PHACTR1: variants seen among roughly 807,000 people sequenced by gnomAD.
The protein encoded by PHACTR1 is RPEL repeat containing 1.
A neutral mutation model predicts 69.2 loss-of-function variants in PHACTR1; 16 were observed. The observed-to-expected ratio is 0.23, with a 90% CI of 0.16 to 0.35. The LOEUF (loss-of-function observed/expected upper bound fraction) is 0.35, where lower values mean the gene tolerates loss of function less well. PHACTR1 is among the 10% of genes least tolerant of loss of function. PHACTR1 has a pLI of 1.00. For synonymous variants in PHACTR1, 312 were observed against 284.5 expected (o/e 1.10, Z -0.97); for missense variants, 510 against 734.7 (o/e 0.69, Z 3.54).
chr6:12,724,912 A>T (rs1481389557), intron 3 of PHACTR1, among the ~76,000 whole-genome samples: 1 of 152,204 alleles, frequency 6.6e-6, no homozygotes, highest in African/African-American at 2.4e-5. Flanking sequence ...TCACTAGGCA[A>T]TCCTAGTGAC....
intron 4 of PHACTR1, among the ~76,000 whole-genome samples, chr6:12,936,950 G>A (rs1789523566): frequency 6.6e-6 from 1 of 152,088 alleles, no homozygotes. Flanking sequence ...AAGTGTCTGA[G>A]GATGAGTCAC....
intron 4 of PHACTR1, among the ~76,000 whole-genome samples, chr6:12,827,232 C>T (rs996415796): frequency 2.0e-5 from 3 of 152,128 alleles, no homozygotes; most frequent in Non-Finnish European, 4.4e-5. Flanking sequence ...ATAACTTCAC[C>T]ACATAGATGA....
At chr6:12,921,482 A>AGGAGGGACGGAAGGAT in intron 4 of PHACTR1, among the ~76,000 whole-genome samples, 1 of 134,780 alleles carries the variant, frequency 7.4e-6, no homozygotes, top group African/African-American at 2.9e-5. Context: ...GAAGGAAGGA[A>AGGAGGGACGGAAGGAT]GGAGGGAAGG....
At chr6:13,163,104 G>A (rs1759284963) in intron 6 of PHACTR1, among the ~76,000 whole-genome samples, 4 of 152,288 alleles carry the variant, frequency 2.6e-5, no homozygotes, top group Middle Eastern at 3.4e-3. Flanking sequence ...AATTTGTCGG[G>A]TGTGGTGGCA....
At chr6:12,875,260 A>T (rs114245181) in intron 4 of PHACTR1, among the ~76,000 whole-genome samples, 3,609 of 152,302 alleles carry the variant, frequency 0.024, 142 homozygotes, top group African/African-American at 0.083. Flanking sequence ...ATCATTTATT[A>T]CTCATCGTGA....
chr6:12,788,047 A>G (rs1172400006), intron 4 of PHACTR1, among the ~76,000 whole-genome samples: 1 of 151,950 alleles, frequency 6.6e-6, no homozygotes, highest in African/African-American at 2.4e-5. Flanking sequence ...AGTCCCAGCT[A>G]CTCGGTAGGC....
Position 12,838,744 on chromosome 6 carries a change from G to T in PHACTR1, c.250+88954G>T, listed in dbSNP as rs145422163. On this transcript the variant is annotated intron_variant, in intron 4 of 14. Transcript: ENST00000332995. ...AATTTCATTCAATAGCCTCAAAATG[G>T]TTGTGAATTTGTGTTCCCCTAAGTA... Among the ~76,000 whole-genome samples the T allele has an allele frequency of 6.9e-3, 1,056 of 152,204 alleles. 17 individuals are homozygous for T. Among genetic ancestry groups the T allele is most frequent in the African/African-American group, 0.024 (1,005 of 41,526 alleles).
intron 10 of PHACTR1, among the ~76,000 whole-genome samples, chr6:13,260,387 C>T (rs1775749202): frequency 6.6e-6 from 1 of 152,082 alleles, no homozygotes; most frequent in East Asian, 1.9e-4. Flanking sequence ...GGCATTGTGG[C>T]CAGGCTGTGG....
intron 5 of PHACTR1, among the ~76,000 whole-genome samples, chr6:13,113,636 A>T (rs1561848062): frequency 6.6e-6 from 1 of 152,194 alleles, no homozygotes; most frequent in Admixed American, 6.5e-5. Context: ...CAATAGAAAC[A>T]AAACCAGATA....
intron 4 of PHACTR1, among the ~76,000 whole-genome samples, chr6:12,945,174 T>A (rs1022267866): frequency 6.6e-6 from 1 of 152,146 alleles, no homozygotes; most frequent in African/African-American, 2.4e-5. Context: ...GCCTCCTTTA[T>A]TCCCATCTGA....
At chr6:12,970,983 C>G (rs1794134660) in intron 4 of PHACTR1, among the ~76,000 whole-genome samples, 1 of 152,176 alleles carries the variant, frequency 6.6e-6, no homozygotes, top group South Asian at 2.1e-4. Context: ...TAACCATTTT[C>G]TCCATAAGCT....
At chr6:12,814,914 AC>A (rs1355251530) in intron 4 of PHACTR1, among the ~76,000 whole-genome samples, 1 of 152,170 alleles carries the variant, frequency 6.6e-6, no homozygotes, top group Non-Finnish European at 1.5e-5. Flanking sequence ...TCAAAACACA[AC>A]ATGCTTCAAG....
At chr6:12,982,748 T>G (rs1316083585) in intron 4 of PHACTR1, among the ~76,000 whole-genome samples, 1 of 152,228 alleles carries the variant, frequency 6.6e-6, no homozygotes, top group Non-Finnish European at 1.5e-5. Flanking sequence ...ATCGCTAGAC[T>G]TGAAATTGAA....
chr6:13,214,125 A>T (rs1767310520), intron 8 of PHACTR1: 1 of 151,750 alleles, frequency 6.6e-6, no homozygotes, highest in Non-Finnish European at 1.5e-5. Context: ...TATCCATCGC[A>T]CTCCGGATAT....
At chr6:13,198,972 G>A (rs80145496) in intron 7 of PHACTR1, among the ~76,000 whole-genome samples, 1 of 152,200 alleles carries the variant, frequency 6.6e-6, no homozygotes, top group Non-Finnish European at 1.5e-5. Context: ...TGATCTGGGA[G>A]TTTGTTTACA....
At chr6:13,013,856 C>T (rs1020901070) in intron 4 of PHACTR1, among the ~76,000 whole-genome samples, 1 of 148,546 alleles carries the variant, frequency 6.7e-6, no homozygotes, top group Non-Finnish European at 1.5e-5. Context: ...GGGGCCGGAG[C>T]AGCGCCCGGC....
chr6:13,137,319 AAAAGTAATTTTTC>A lies in PHACTR1; in HGVS notation c.416-22882_416-22870del, dbSNP rs1232412230. Among the ~76,000 whole-genome samples the A allele has an allele frequency of 3.3e-5, 5 of 152,290 alleles. No individual in the cohort carries two copies. In the East Asian group the frequency reaches 9.6e-4, roughly 29 times the overall value. The stretch of plus-strand genomic sequence containing the variant: ...TCTGTTTTTCTTTTTATAGAACATA[AAAAGTAATTTTTC>A]AAGATGTACCTAGGCATTGAGTTAA... On this transcript the variant is annotated intron_variant, in intron 5 of 14. Coordinates refer to ENST00000332995, the MANE Select transcript of PHACTR1 (RefSeq NM_030948.6).
chr6:13,149,330 G>C (rs1201776102), intron 5 of PHACTR1, among the ~76,000 whole-genome samples: 1 of 152,100 alleles, frequency 6.6e-6, no homozygotes, highest in Non-Finnish European at 1.5e-5. Flanking sequence ...GGCCTTCAGT[G>C]TGCTAATGAA....
rs992894640 is a variant in PHACTR1, at chr6:12,771,125, G to A, written c.250+21335G>A. Among the ~76,000 whole-genome samples the A allele has an allele frequency of 4.6e-5, 7 of 152,318 alleles. No individual in the cohort carries two copies. In the Middle Eastern group the frequency reaches 0.01, roughly 222 times the overall value. On this transcript the variant is annotated intron_variant, in intron 4 of 14. Transcript: ENST00000332995. ...TGAGAAAGATGGATCAGAGCAGCCC[G>A]AAACTAGAGGCAGGGAGGTACTGGG...
Sources: gnomAD v4.1 joint callset for allele counts (sites outside exome capture counted in the v4.1 genomes callset) on GRCh38, gnomAD v4.1.1 for gene constraint, MANE v1.5 for transcripts, NCBI Gene and HGNC (gene_info 2026-07-23, HGNC 2026-07-21) for gene names.